Variants in POLR1C observed in about 807,000 individuals in gnomAD.
POLR1C encodes RNA polymerase I and III subunit C, also known as DNA-directed RNA polymerases I and III subunit RPAC1.
A neutral mutation model predicts 38.3 loss-of-function variants in POLR1C; 42 were observed. That is an observed-to-expected ratio of 1.10 (90% CI 0.86 to 1.42). The LOEUF is 1.42. Ranked by LOEUF, POLR1C falls within the 40% of genes most tolerant of loss-of-function variation. The pLI is 0.00. For missense variants in POLR1C, 507 were observed against 450.5 expected (o/e 1.13, Z -1.14); for synonymous variants, 163 against 163.9 (o/e 0.99, Z 0.04).
downstream of POLR1C, chr6:43,533,807 C>A: frequency 2.4e-6 from 2 of 836,404 alleles, no homozygotes; most frequent in Non-Finnish European, 1.8e-6. Context: ...TGCACTCTAG[C>A]CTGGGTGACA....
At chr6:43,522,142 A>G (rs893006196), downstream of POLR1C, among the ~76,000 whole-genome samples, 2 of 152,202 alleles carry the variant, frequency 1.3e-5, no homozygotes, top group Non-Finnish European at 2.9e-5. Flanking sequence ...ACACTGTGAG[A>G]ATGGTATGGG....
chr6:43,529,266 G>A, exon 9 of POLR1C: 4 of 1,359,546 alleles, frequency 2.9e-6, no homozygotes, highest in Non-Finnish European at 3.9e-6. Flanking sequence ...AGATTTGCTG[G>A]CTGCGGTGGC....
chr6:43,545,909 G>A (rs979124069), intron 9 of POLR1C, among the ~76,000 whole-genome samples: 1 of 152,066 alleles, frequency 6.6e-6, no homozygotes, highest in Non-Finnish European at 1.5e-5. Context: ...CTAAAACAGT[G>A]ATTCTGAATG....
chr6:43,539,411 A>G (rs2127719010), intron 9 of POLR1C: 1 of 1,573,610 alleles, frequency 6.4e-7, no homozygotes, highest in South Asian at 1.1e-5. Flanking sequence ...AGAGGCCCCC[A>G]GGAAAAAGTC....
chr6:43,526,370 C>A, downstream of POLR1C: 1 of 441,234 alleles, frequency 2.3e-6, no homozygotes, highest in Non-Finnish European at 4.2e-6. Context: ...CAGAGGAATA[C>A]AGAGTAGCTG....
At chr6:43,525,197 T>G (rs751250425), downstream of POLR1C, 3 of 1,578,834 alleles carry the variant, frequency 1.9e-6, no homozygotes, top group Non-Finnish European at 2.6e-6. Context: ...CTGTAATTAA[T>G]AGCGCTGTAC....
At chr6:43,534,971 G>A (rs759838009) in intron 9 of POLR1C, among the ~76,000 whole-genome samples, 1 of 151,926 alleles carries the variant, frequency 6.6e-6, no homozygotes, top group Non-Finnish European at 1.5e-5. Flanking sequence ...CTCCAGCCTG[G>A]GCAACAGAGT....
chr6:43,543,147 C>A (rs951161732), intron 9 of POLR1C, among the ~76,000 whole-genome samples: 1 of 152,118 alleles, frequency 6.6e-6, no homozygotes, highest in African/African-American at 2.4e-5. Context: ...TCACAAAGTT[C>A]AAAAACCTGG....
intron 10 of POLR1C, chr6:43,558,641 AAG>A (rs1357640173): frequency 5.0e-6 from 7 of 1,395,910 alleles, no homozygotes; most frequent in South Asian, 2.7e-5. Context: ...GACCCACTGA[AAG>A]AGTTTTTAAG....
chr6:43,554,065 A>G (rs192987953), intron 10 of POLR1C, among the ~76,000 whole-genome samples: 1 of 152,310 alleles, frequency 6.6e-6, no homozygotes, highest in Admixed American at 6.5e-5. Flanking sequence ...ACAGCACAGC[A>G]CTCAAATAGC....
intron 10 of POLR1C, among the ~76,000 whole-genome samples, chr6:43,559,224 G>A (rs1762274477): frequency 6.6e-6 from 1 of 152,146 alleles, no homozygotes; most frequent in Admixed American, 6.5e-5. Flanking sequence ...TTGAACCCAG[G>A]AGGCAGAGGT....
intron 9 of POLR1C, among the ~76,000 whole-genome samples, chr6:43,547,942 A>C (rs1314822364): frequency 6.6e-6 from 1 of 152,196 alleles, no homozygotes; most frequent in Non-Finnish European, 1.5e-5. Context: ...TCAAAATATA[A>C]AGAAAATAAT....
chr6:43,552,762 T>G (rs1484572014), intron 10 of POLR1C, among the ~76,000 whole-genome samples: 4 of 152,242 alleles, frequency 2.6e-5, no homozygotes, highest in African/African-American at 9.6e-5. Context: ...ATGATTTTAC[T>G]GATACAGTTG....
At chr6:43,524,841 T>C, downstream of POLR1C, 1 of 1,611,936 alleles carries the variant, frequency 6.2e-7, no homozygotes, top group Non-Finnish European at 8.5e-7. Context: ...CAGTGCCTCG[T>C]ATATCTGGAA....
In POLR1C at chr6:43,519,331, A is replaced by T. The variant is rs1323364998; in HGVS notation, c.142-2A>T. The T allele has an allele frequency of 6.3e-7, 1 of 1,588,208 alleles. No individual in the cohort carries two copies. Among genetic ancestry groups the T allele is most frequent in the Non-Finnish European group, 8.6e-7 (1 of 1,156,450 alleles). On this transcript the variant is annotated splice_acceptor_variant, in intron 2 of 8. Transcript: ENST00000642195. LOFTEE classifies it high-confidence loss of function. ...CTTAAATGTTTTTTCCTGTCCCTCTAGAATTTCCGTGTGGATGTAGTACAC... is the reference window on the plus strand; with the variant it reads ...CTTAAATGTTTTTTCCTGTCCCTCTTGAATTTCCGTGTGGATGTAGTACAC...
chr6:43,520,780 G>A lies in POLR1C; in HGVS notation c.805+6G>A. 1.2e-6 allele frequency: 2 copies of A among 1,613,566 alleles called. No homozygotes were observed. Among genetic ancestry groups the A allele is most frequent in the East Asian group, 2.2e-5 (1 of 44,874 alleles). ...TGAGGTGCAGGAAGTCCAAGGTATG[G>A]TATTTGGGATGCTGTTCAAGTTAGG... On this transcript the variant is annotated splice_donor_region_variant and intron_variant, in intron 7 of 8. Transcript: ENST00000642195.
downstream of POLR1C, among the ~76,000 whole-genome samples, chr6:43,531,790 T>A (rs111734266): frequency 6.6e-6 from 1 of 151,492 alleles, no homozygotes; most frequent in Non-Finnish European, 1.5e-5. Flanking sequence ...GGGTACTCTT[T>A]TATCTGCTTT....
downstream of POLR1C, chr6:43,524,071 C>T (rs1407303517): frequency 1.3e-5 from 20 of 1,571,136 alleles, no homozygotes; most frequent in Non-Finnish European, 1.7e-5. Context: ...ATTCTCTTGG[C>T]CCGGCGCAGT....
intron 9 of POLR1C, chr6:43,538,697 G>A: frequency 2.3e-6 from 1 of 442,316 alleles, no homozygotes; most frequent in East Asian, 3.8e-5. Flanking sequence ...TTTCCTCTTT[G>A]GTACTGTTAA....
Sources: allele counts gnomAD v4.1 joint callset (sites outside exome capture counted in the v4.1 genomes callset), GRCh38; gene constraint gnomAD v4.1.1; transcripts MANE v1.5; gene names NCBI Gene and HGNC (gene_info 2026-07-23, HGNC 2026-07-21).